ARIH2: variants seen among roughly 807,000 people sequenced by gnomAD.
ARIH2 encodes the protein E3 ubiquitin-protein ligase ARIH2.
ARIH2 carries 12 observed loss-of-function variants against 79.8 expected under a neutral mutation model. The observed-to-expected ratio is 0.15, with a 90% confidence interval of 0.10 to 0.24. The LOEUF is 0.24. ARIH2 is among the 10% of genes least tolerant of loss of function. ARIH2 has a pLI of 1.00. For synonymous variants in ARIH2, 224 were observed against 213.9 expected, an observed-to-expected ratio of 1.05 and a Z score of -0.41; for missense variants, 301 against 618.3, an observed-to-expected ratio of 0.49 and a Z score of 5.44.
chr3:48,943,637 CAG>C (rs1191386436), intron 3 of ARIH2: 3 of 152,056 alleles, frequency 2.0e-5, no homozygotes, highest in Non-Finnish European at 4.4e-5. Context: ...TTTATATAAA[CAG>C]AAAGGTTATA....
chr3:48,948,589 G>A (rs534014732), intron 3 of ARIH2, among the ~76,000 whole-genome samples: 2 of 152,138 alleles, frequency 1.3e-5, no homozygotes, highest in Admixed American at 6.6e-5. Context: ...GCGCCCGGCC[G>A]AACTCATCCA....
chr3:48,959,475 A>C (rs2091004008), intron 3 of ARIH2, among the ~76,000 whole-genome samples: 1 of 151,702 alleles, frequency 6.6e-6, no homozygotes, highest in Non-Finnish European at 1.5e-5. Flanking sequence ...GACACAGAAG[A>C]AATATCAGCC....
chr3:48,948,554 G>T (rs1376725092), intron 3 of ARIH2, among the ~76,000 whole-genome samples: 1 of 152,150 alleles, frequency 6.6e-6, no homozygotes, highest in Non-Finnish European at 1.5e-5. Context: ...TCCCAGGAGT[G>T]CTGGGATTAC....
intron 3 of ARIH2, among the ~76,000 whole-genome samples, chr3:48,942,173 C>T (rs923584935): frequency 3.3e-5 from 5 of 151,718 alleles, no homozygotes; most frequent in African/African-American, 9.7e-5. Flanking sequence ...GCTTCAGCCT[C>T]CTAAATAGCT....
At chr3:48,972,757 A>G (rs2092308352) in intron 8 of ARIH2, among the ~76,000 whole-genome samples, 1 of 152,188 alleles carries the variant, frequency 6.6e-6, no homozygotes, top group African/African-American at 2.4e-5. Context: ...TCAGTTGTCC[A>G]CGTTGCAGTA....
At chr3:48,934,555 C>T in intron 3 of ARIH2, 2 of 985,358 alleles carry the variant, frequency 2.0e-6, no homozygotes, top group Non-Finnish European at 1.2e-6. Context: ...TGTGAGCTGT[C>T]TTTGCATGCC....
chr3:48,982,684 G>T, intron 14 of ARIH2: 1 of 542,782 alleles, frequency 1.8e-6, no homozygotes, highest in Non-Finnish European at 3.3e-6. Context: ...GACCTTTTGA[G>T]GGTCGAGGGT....
At chr3:48,938,797 C>T (rs989781246) in intron 3 of ARIH2, among the ~76,000 whole-genome samples, 2 of 151,292 alleles carry the variant, frequency 1.3e-5, no homozygotes, top group Non-Finnish European at 2.9e-5. Flanking sequence ...TTGAAAAGAC[C>T]GTGGACTCTG....
chr3:48,977,527 G>A (rs1301657869), intron 11 of ARIH2, among the ~76,000 whole-genome samples: 1 of 151,988 alleles, frequency 6.6e-6, no homozygotes, highest in Non-Finnish European at 1.5e-5. Context: ...GTGCGATCTC[G>A]GCTCACTGCA....
chr3:48,930,947 A>G (rs1168311693), intron 3 of ARIH2, among the ~76,000 whole-genome samples: 1 of 152,224 alleles, frequency 6.6e-6, no homozygotes, highest in Admixed American at 6.5e-5. Context: ...GGAGTGGCTT[A>G]AATTTTTCAC....
At chr3:48,933,792 C>T (rs1445493530) in intron 3 of ARIH2, among the ~76,000 whole-genome samples, 2 of 151,712 alleles carry the variant, frequency 1.3e-5, no homozygotes, top group Non-Finnish European at 2.9e-5. Context: ...ACCTCATGAT[C>T]CACCCGCCTC....
At position 48,980,585 on chromosome 3, in the gene ARIH2, A is replaced by G; in HGVS notation, c.1257+89A>G. The G allele has an allele frequency of 5.5e-6, 8 of 1,453,816 alleles. No individual in the cohort carries two copies. The South Asian group carries it at 1.0e-4, about 19-fold the overall frequency. 90.1% of individuals were successfully genotyped at this position (1,453,816 alleles called of 1,614,324 possible). On this transcript the variant is annotated intron_variant, in intron 13 of 15. Coordinates refer to ENST00000356401, the MANE Select transcript of ARIH2 (RefSeq NM_006321.4). ...TGATAGTGGGAAGCTCTGTTGAAAG[A>G]GGGTATTTTAGCACCCTGTGCAGCC...
At chr3:48,979,405 C>G (rs573744011) in intron 11 of ARIH2, 77 bp from the exon 12 acceptor site, 1 of 1,516,942 alleles carries the variant, frequency 6.6e-7, no homozygotes, top group African/African-American at 1.4e-5. Flanking sequence ...CAGGGTCTGT[C>G]TGTCTCACTC....
At chr3:48,961,723 C>T (rs1285721838) in intron 4 of ARIH2, 44 bp downstream of exon 4, 30 of 1,255,598 alleles carry the variant, frequency 2.4e-5, no homozygotes, top group Non-Finnish European at 3.4e-5. Context: ...CCATAGCTCC[C>T]CTCTCCGTGG....
At chr3:48,929,344 CT>C (rs80236685) in intron 3 of ARIH2, among the ~76,000 whole-genome samples, 105 of 144,466 alleles carry the variant, frequency 7.3e-4, no homozygotes, top group South Asian at 5.5e-3. Context: ...TCCTTCCTTC[CT>C]TTTTTTTTTT....
In ARIH2 at chr3:48,968,515, GGTT is replaced by G; in HGVS notation, c.539-15_539-13del. The G allele has an allele frequency of 1.2e-6, 2 of 1,602,340 alleles. No individual in the cohort carries two copies. The highest frequency in any genetic ancestry group is 1.7e-6 in the Non-Finnish European group (2 of 1,172,046). On this transcript the variant is annotated splice_polypyrimidine_tract_variant and intron_variant, in intron 6 of 15. Transcript: ENST00000356401. ...TGAGCTATCGCACCTGGCCCCATCA[GGTT>G]GTTTTTGTTCAACAGGAGTCTCTTG...
chr3:48,944,909 C>T, intron 3 of ARIH2: 1 of 365,164 alleles, frequency 2.7e-6, no homozygotes, highest in Non-Finnish European at 5.3e-6. Flanking sequence ...TATCATGTCC[C>T]ATTCTAGCCA....
chr3:48,923,882 C>T (rs1472104209), intron 2 of ARIH2, among the ~76,000 whole-genome samples: 1 of 151,984 alleles, frequency 6.6e-6, no homozygotes, highest in Non-Finnish European at 1.5e-5. Context: ...GCCTATAATC[C>T]CAGCGTTTTG....
intron 3 of ARIH2, among the ~76,000 whole-genome samples, chr3:48,955,609 A>T (rs905922227): frequency 6.6e-6 from 1 of 152,138 alleles, no homozygotes; most frequent in Non-Finnish European, 1.5e-5. Flanking sequence ...TTCTAAATGG[A>T]TTGTTGAGCT....
Sources: allele counts gnomAD v4.1 joint callset (sites outside exome capture counted in the v4.1 genomes callset), GRCh38; gene constraint gnomAD v4.1.1; transcripts MANE v1.5; gene names NCBI Gene and HGNC (gene_info 2026-07-23, HGNC 2026-07-21).